The following NR2C2 variants were observed in gnomAD, a reference collection of about 807,000 sequenced individuals.
The protein encoded by NR2C2 is nuclear receptor subfamily 2 group C member 2, also known as Nuclear hormone receptor TR4.
NR2C2 carries 6 observed loss-of-function variants against 62.9 expected under a neutral mutation model. The observed-to-expected ratio is 0.10, with a 90% confidence interval of 0.05 to 0.19. The LOEUF is 0.19. Among genes scored for constraint, NR2C2 ranks in the 10% least tolerant of loss-of-function variants. The pLI, the probability that NR2C2 is intolerant of heterozygous loss-of-function variation, is 1.00. For missense variants in NR2C2, 479 were observed against 762.7 expected, an observed-to-expected ratio of 0.63 and a Z score of 4.38; for synonymous variants, 272 against 273.8, an observed-to-expected ratio of 0.99 and a Z score of 0.07.
At chr3:14,972,566 T>A (rs140714613) in intron 1 of NR2C2, among the ~76,000 whole-genome samples, 3 of 152,316 alleles carry the variant, frequency 2.0e-5, no homozygotes, top group African/African-American at 7.2e-5. Flanking sequence ...TAGTTTGAGG[T>A]TTTTTGTCAT....
intron 4 of NR2C2, among the ~76,000 whole-genome samples, chr3:15,020,429 G>A (rs528396476): frequency 7.1e-4 from 108 of 152,342 alleles, no homozygotes; most frequent in Non-Finnish European, 1.2e-3. Context: ...GTAGAGTTCA[G>A]CCGTCACCTG....
chr3:14,972,789 A>G (rs1401057320), intron 1 of NR2C2, among the ~76,000 whole-genome samples: 1 of 152,152 alleles, frequency 6.6e-6, no homozygotes, highest in African/African-American at 2.4e-5. Context: ...GTGGCAGACA[A>G]AGCAGGAGCA....
chr3:15,028,618 G>T lies in NR2C2; in HGVS notation c.831G>T (p.Leu277=). 6.2e-7 allele frequency: 1 copy of T among 1,613,972 alleles called. No homozygotes were observed. Among genetic ancestry groups the T allele is most frequent in the East Asian group, 2.2e-5 (1 of 44,878 alleles). The change falls in exon 8 of 14, where the codon CTG becomes CTT. Residue 277 remains leucine, a synonymous_variant. Coordinates refer to ENST00000425241, the MANE Select transcript of NR2C2 (RefSeq NM_001291694.2). ...AETSQGALGT[L]ANVVTSLANL... ...CAAGCCAGGGAGCTCTGGGCACACT[G>T]GCAAATGTAGTGACCTCCCTTGCCA...
At chr3:15,003,512 C>T (rs966655329) in intron 1 of NR2C2, among the ~76,000 whole-genome samples, 2 of 152,190 alleles carry the variant, frequency 1.3e-5, no homozygotes, top group Admixed American at 6.5e-5. Context: ...TCTCGGGAAA[C>T]CATATTAAAG....
intron 1 of NR2C2, among the ~76,000 whole-genome samples, chr3:14,975,642 C>G (rs1289030379): frequency 6.6e-6 from 1 of 152,108 alleles, no homozygotes; most frequent in Non-Finnish European, 1.5e-5. Flanking sequence ...ATTTTTGCAC[C>G]ATTGTCCACA....
At chr3:14,995,551 A>G (rs575510768) in intron 1 of NR2C2, among the ~76,000 whole-genome samples, 1 of 152,096 alleles carries the variant, frequency 6.6e-6, no homozygotes, top group Admixed American at 6.6e-5. Context: ...CATTGTATGG[A>G]TATACCACAT....
chr3:15,043,039 G>C lies in NR2C2; in HGVS notation c.*31G>C. The C allele has an allele frequency of 6.2e-7, 1 of 1,607,718 alleles. No homozygotes were observed. The highest frequency in any genetic ancestry group is 1.1e-5 in the South Asian group (1 of 90,454). ...ACCACACACCTGCCAAGGAGCAACA[G>C]AATCCTTCCAGGACCGTTCACATAC... is the stretch of plus-strand genomic sequence containing the variant. On this transcript the variant is annotated 3_prime_UTR_variant, in exon 14 of 14. Coordinates refer to ENST00000425241, the MANE Select transcript of NR2C2 (RefSeq NM_001291694.2).
intron 1 of NR2C2, among the ~76,000 whole-genome samples, chr3:14,966,377 G>A (rs1269224805): frequency 6.6e-6 from 1 of 152,212 alleles, no homozygotes; most frequent in Non-Finnish European, 1.5e-5. Flanking sequence ...GAGATTGTGA[G>A]CCGTGAGATC....
At chr3:14,990,299 G>A (rs2040633430) in intron 1 of NR2C2, among the ~76,000 whole-genome samples, 1 of 152,182 alleles carries the variant, frequency 6.6e-6, no homozygotes, top group Admixed American at 6.5e-5. Flanking sequence ...AGGGGAAAGG[G>A]GTGGAGGGAG....
rs2042470066 is a variant in NR2C2 at position 15,046,823 on chromosome 3, T to G, written c.*3815T>G. The stretch of plus-strand genomic sequence containing the variant: ...AGAGCAGATGCCCCACGTGCTTCCT[T>G]TATCCAGCTTCCATTCTCTCAGTTA... On this transcript the variant is annotated 3_prime_UTR_variant, in exon 14 of 14. Coordinates refer to ENST00000425241, the MANE Select transcript of NR2C2 (RefSeq NM_001291694.2). 1 of 152,684 alleles carries G rather than the reference T, an allele frequency of 6.5e-6. No individual in the cohort carries two copies. The highest frequency in any genetic ancestry group is 1.5e-5 in the Non-Finnish European group (1 of 68,056). The allele number at this position is 152,684 out of a possible 1,614,324, so 9.5% of individuals were successfully genotyped here.
At chr3:14,952,577 T>C (rs2039398554) in intron 1 of NR2C2, among the ~76,000 whole-genome samples, 1 of 152,250 alleles carries the variant, frequency 6.6e-6, no homozygotes, top group African/African-American at 2.4e-5. Context: ...TACCTCTTTT[T>C]ACTTTATTGC....
At chr3:14,977,785 C>T (rs532213297) in intron 1 of NR2C2, among the ~76,000 whole-genome samples, 2 of 151,754 alleles carry the variant, frequency 1.3e-5, no homozygotes, top group Non-Finnish European at 2.9e-5. Flanking sequence ...GGCAACATGG[C>T]GAAACCCCGT....
chr3:15,006,617 C>G (rs1372528762), intron 2 of NR2C2, among the ~76,000 whole-genome samples: 1 of 152,066 alleles, frequency 6.6e-6, no homozygotes, highest in Non-Finnish European at 1.5e-5. Flanking sequence ...CAGGGCCGTT[C>G]CACCTCCCTC....
intron 10 of NR2C2, among the ~76,000 whole-genome samples, chr3:15,033,437 G>C (rs1271108567): frequency 6.6e-6 from 1 of 152,168 alleles, no homozygotes; most frequent in Non-Finnish European, 1.5e-5. Context: ...CTGTGGGTCA[G>C]GTGGTGTGGG....
At chr3:14,976,347 T>C (rs1432495921) in intron 1 of NR2C2, among the ~76,000 whole-genome samples, 1 of 152,200 alleles carries the variant, frequency 6.6e-6, no homozygotes, top group Non-Finnish European at 1.5e-5. Flanking sequence ...GTTCTGGTTA[T>C]ATAATTATGA....
At chr3:14,978,690 G>A (rs1192567593) in intron 1 of NR2C2, among the ~76,000 whole-genome samples, 1 of 152,128 alleles carries the variant, frequency 6.6e-6, no homozygotes, top group Non-Finnish European at 1.5e-5. Context: ...GGCAGCATGG[G>A]GGTTGGAGGT....
chr3:15,034,588 C>A, intron 10 of NR2C2, 82 bp from the exon 11 acceptor site: 2 of 1,454,098 alleles, frequency 1.4e-6, no homozygotes. Flanking sequence ...TTGGGAAATG[C>A]TGGGACTTAG....
chr3:15,037,209 TTGTG>T (rs373045181), intron 11 of NR2C2, among the ~76,000 whole-genome samples: 238 of 130,284 alleles, frequency 1.8e-3, no homozygotes, highest in Middle Eastern at 4.1e-3. Context: ...TGTTTTTTGT[TTGTG>T]TGTGTGTGTG....
At chr3:14,983,951 C>T (rs755754441) in intron 1 of NR2C2, among the ~76,000 whole-genome samples, 36 of 152,220 alleles carry the variant, frequency 2.4e-4, no homozygotes, top group African/African-American at 4.8e-4. Context: ...TGCAATGGCG[C>T]GATCTTGGCT....
Sources: gnomAD v4.1 joint callset for allele counts (sites outside exome capture counted in the v4.1 genomes callset) on GRCh38, gnomAD v4.1.1 for gene constraint, MANE v1.5 for transcripts, NCBI Gene and HGNC (gene_info 2026-07-23, HGNC 2026-07-21) for gene names.